MBOAT2: variants seen among roughly 807,000 people sequenced by gnomAD.
MBOAT2 encodes the protein membrane bound glycerophospholipid O-acyltransferase 2, also known as membrane-bound glycerophospholipid O-acyltransferase 2.
Under a neutral mutation model 63.4 loss-of-function variants are expected in MBOAT2, and 28 were observed. The observed-to-expected ratio is 0.44, with a 90% CI of 0.33 to 0.61. The LOEUF (loss-of-function observed/expected upper bound fraction) is 0.61, where lower values mean the gene tolerates loss of function less well. Among genes scored for constraint, MBOAT2 ranks in the 20% least tolerant of loss-of-function variants. The pLI is 0.03. For missense variants in MBOAT2, 470 were observed against 605.8 expected (o/e 0.78, Z 2.35); for synonymous variants, 211 against 215.6 (o/e 0.98, Z 0.19).
chr2:8,870,263 C>G (rs910272611), intron 8 of MBOAT2, among the ~76,000 whole-genome samples: 1 of 152,132 alleles, frequency 6.6e-6, no homozygotes, highest in African/African-American at 2.4e-5. Context: ...GGCAGGGCCA[C>G]AGGGCTGTGG....
chr2:8,896,362 C>T (rs528807285), intron 4 of MBOAT2, among the ~76,000 whole-genome samples: 3 of 152,158 alleles, frequency 2.0e-5, no homozygotes, highest in African/African-American at 4.8e-5. Flanking sequence ...AACACTCTTC[C>T]CCTAAGAAGG....
intron 1 of MBOAT2, among the ~76,000 whole-genome samples, chr2:8,974,945 G>A (rs1389401010): frequency 6.6e-6 from 1 of 152,112 alleles, no homozygotes; most frequent in Non-Finnish European, 1.5e-5. Context: ...AATGTAAGCA[G>A]AAAGTTGGCT....
chr2:8,920,802 T>C (rs1042107521), intron 3 of MBOAT2, among the ~76,000 whole-genome samples: 1 of 152,212 alleles, frequency 6.6e-6, no homozygotes, highest in African/African-American at 2.4e-5. Flanking sequence ...TTTTTATACC[T>C]GCATTTCTGG....
chr2:8,862,251 C>T lies in MBOAT2; in HGVS notation c.1185+339G>A, dbSNP rs528103868. On this transcript the variant is annotated intron_variant, in intron 11 of 12. Coordinates refer to ENST00000305997, the MANE Select transcript of MBOAT2 (RefSeq NM_138799.4). This position sits in a 1 kb window ranked among gnomAD's most constrained non-coding sequence, Gnocchi z 4.3. ...CTCAAAGGTTACAGCTTTCAGGAAA[C>T]ATTTCTAAAATAAACCTACCCATTC... The T allele has an allele frequency of 2.3e-4, 291 of 1,262,476 alleles. 1 individual carries two copies. The highest frequency in any genetic ancestry group is 2.7e-4 in the Non-Finnish European group (266 of 972,936). 78.2% of individuals were successfully genotyped at this position (1,262,476 alleles called of 1,614,324 possible).
intron 1 of MBOAT2, among the ~76,000 whole-genome samples, chr2:8,973,137 A>G (rs1221934605): frequency 6.6e-6 from 1 of 152,204 alleles, no homozygotes; most frequent in Admixed American, 6.5e-5. Flanking sequence ...CATCAATGAT[A>G]GACTGGATTA....
At chr2:8,928,579 C>T (rs1226283826) in intron 3 of MBOAT2, among the ~76,000 whole-genome samples, 1 of 151,920 alleles carries the variant, frequency 6.6e-6, no homozygotes, top group Non-Finnish European at 1.5e-5. Context: ...TTGATATATA[C>T]CATATTACGA....
At chr2:8,882,759 T>A (rs986739292) in intron 5 of MBOAT2, among the ~76,000 whole-genome samples, 194 bp from the exon 6 acceptor site, 1 of 152,158 alleles carries the variant, frequency 6.6e-6, no homozygotes, top group African/African-American at 2.4e-5. Context: ...AAATAACACA[T>A]GGTTGGGTAT....
Position 8,862,277 on chromosome 2 carries a change from T to G in MBOAT2, c.1185+313A>C. On this transcript the variant is annotated intron_variant, in intron 11 of 12. Transcript: ENST00000305997. The surrounding 1 kb of genome is among the most constrained non-coding windows in gnomAD (Gnocchi z 4.3). ...ATTTCTAAAATAAACCTACCCATTC[T>G]GATCATCTTTATTTAACTCAGTTTT... 1 of 1,309,500 alleles carries G rather than the reference T, an allele frequency of 7.6e-7. No homozygotes were observed. Among genetic ancestry groups the G allele is most frequent in the South Asian group, 1.3e-5 (1 of 79,978 alleles). 81.1% of individuals were successfully genotyped at this position (1,309,500 alleles called of 1,614,324 possible).
intron 1 of MBOAT2, among the ~76,000 whole-genome samples, chr2:8,977,372 A>T (rs1403199440): frequency 6.6e-6 from 1 of 152,174 alleles, no homozygotes; most frequent in Non-Finnish European, 1.5e-5. Context: ...GAATGAATAC[A>T]GATGTGGAAT....
intron 4 of MBOAT2, among the ~76,000 whole-genome samples, chr2:8,898,243 C>A (rs558167358): frequency 6.6e-6 from 1 of 152,280 alleles, no homozygotes; most frequent in Non-Finnish European, 1.5e-5. Flanking sequence ...GCTGTTTCTG[C>A]CCCTGGTTCC....
intron 12 of MBOAT2, among the ~76,000 whole-genome samples, chr2:8,859,491 C>T (rs529723617): frequency 1.3e-5 from 2 of 152,300 alleles, no homozygotes; most frequent in South Asian, 4.1e-4. Flanking sequence ...ACTGTAAGTT[C>T]AAGTGATTCT....
At chr2:8,948,095 C>A (rs573739763) in intron 2 of MBOAT2, among the ~76,000 whole-genome samples, 1 of 152,076 alleles carries the variant, frequency 6.6e-6, no homozygotes, top group Non-Finnish European at 1.5e-5. Context: ...TGATTCCAAC[C>A]CTCATGGATG....
chr2:8,880,925 G>A (rs1225039010), intron 6 of MBOAT2, among the ~76,000 whole-genome samples: 1 of 152,238 alleles, frequency 6.6e-6, no homozygotes, highest in Non-Finnish European at 1.5e-5. Flanking sequence ...AGGGGAGAAT[G>A]AGGGGAGACA....
At chr2:8,927,206 C>G (rs1666992481) in intron 3 of MBOAT2, among the ~76,000 whole-genome samples, 1 of 152,120 alleles carries the variant, frequency 6.6e-6, no homozygotes, top group Admixed American at 6.5e-5. Flanking sequence ...GACCATCAAC[C>G]CCCATCTCCT....
rs191353141 is a variant in MBOAT2 at position 8,893,750 on chromosome 2, A to C, written c.396-5677T>G. Among the ~76,000 whole-genome samples, 43 of 152,376 alleles carry C rather than the reference A, an allele frequency of 2.8e-4. 1 individual carries two copies. The highest frequency in any genetic ancestry group is 3.4e-3 in the Middle Eastern group (1 of 294). The stretch of plus-strand genomic sequence containing the variant: ...TTGAAGGTCTGCACAGAGAGAGCTG[A>C]GGGAATGCATTTCAAACAAGAGTCA... On this transcript the variant is annotated intron_variant, in intron 4 of 12. Transcript: ENST00000305997.
chr2:8,968,749 C>T (rs1299294957), intron 1 of MBOAT2, among the ~76,000 whole-genome samples: 1 of 151,944 alleles, frequency 6.6e-6, no homozygotes, highest in Non-Finnish European at 1.5e-5. Flanking sequence ...CTTCAGTAGC[C>T]AATTCGAACA....
At chr2:8,870,381 G>A (rs1339511087) in intron 8 of MBOAT2, among the ~76,000 whole-genome samples, 5 of 152,184 alleles carry the variant, frequency 3.3e-5, no homozygotes, top group Middle Eastern at 3.4e-3. Context: ...TGTACATGTG[G>A]ATACAAAAAT....
In MBOAT2 at chr2:8,863,371, C is replaced by T. The variant is rs1056443431; in HGVS notation, c.1053-649G>A. Among the ~76,000 whole-genome samples the T allele has an allele frequency of 1.1e-4, 17 of 152,214 alleles. No homozygotes were observed. The East Asian group carries it at 1.5e-3, about 14-fold the overall frequency. ...AAAAAAAGGCTGCTTATCACCGTAT[C>T]GTTATAGGGGCCGTTTTTTATGAAG... is the stretch of plus-strand genomic sequence containing the variant. On this transcript the variant is annotated intron_variant, in intron 10 of 12. Coordinates refer to ENST00000305997, the MANE Select transcript of MBOAT2 (RefSeq NM_138799.4).
chr2:8,919,444 ATAGTTTTAATTTTATTG>A (rs1666417141), intron 3 of MBOAT2, among the ~76,000 whole-genome samples: 1 of 152,186 alleles, frequency 6.6e-6, no homozygotes, highest in Non-Finnish European at 1.5e-5. Context: ...ATTATATAAA[ATAGTTTTAATTTTATTG>A]TAGTTTTAAT....
Sources: gnomAD v4.1 joint callset for allele counts (sites outside exome capture counted in the v4.1 genomes callset) on GRCh38, gnomAD v4.1.1 for gene constraint, Gnocchi (gnomAD v3.1) non-coding constraint, MANE v1.5 for transcripts, NCBI Gene and HGNC (gene_info 2026-07-23, HGNC 2026-07-21) for gene names.